Variants in TNFRSF21 observed in about 807,000 individuals in gnomAD.
TNFRSF21 encodes TNF receptor superfamily member 21, also known as tumor necrosis factor receptor superfamily member 21.
TNFRSF21 carries 19 observed loss-of-function variants against 45.6 expected under a neutral mutation model. The ratio of observed to expected loss-of-function variants is 0.42; its 90% CI spans 0.29 to 0.61. The LOEUF (loss-of-function observed/expected upper bound fraction) is 0.61, where lower values mean the gene tolerates loss of function less well. Ranked by LOEUF, TNFRSF21 falls within the 20% of genes least tolerant of loss-of-function variation. TNFRSF21 has a pLI of 0.23. For synonymous variants in TNFRSF21, 314 were observed against 335.5 expected (o/e 0.94, Z 0.70); for missense variants, 737 against 851.5 (o/e 0.87, Z 1.67).
intron 4 of TNFRSF21, among the ~76,000 whole-genome samples, chr6:47,242,212 T>C (rs1211298439): frequency 6.6e-6 from 1 of 151,938 alleles, no homozygotes; most frequent in Non-Finnish European, 1.5e-5. Flanking sequence ...CCAAAACCAC[T>C]GGGGAATTAT....
rs1267844279 is a variant in TNFRSF21 at position 47,234,839 on chromosome 6, G to C, written c.1569C>G (p.Ile523Met). ...MSPSPLSPSP[I>M]PSPNAKLENS... The stretch of plus-strand genomic sequence containing the variant: ...TCTCAAGTTTCGCGTTGGGGCTGGG[G>C]ATGGGGCTCGGGCTAAGCGGGCTGG... Residue 523 changes from isoleucine (I) to methionine (M), a missense_variant, in exon 5 of 6, where the codon ATC becomes ATG. Transcript: ENST00000296861. 52 of 1,528,896 alleles carry C rather than the reference G, an allele frequency of 3.4e-5. No homozygotes were observed. Among genetic ancestry groups the C allele is most frequent in the Non-Finnish European group, 4.4e-5 (50 of 1,141,134 alleles). 94.7% of individuals were successfully genotyped at this position (1,528,896 alleles called of 1,614,324 possible). A position where few individuals can be genotyped will look rare whatever the true frequency, so the allele number is the denominator to read the frequency against.
Position 47,232,655 on chromosome 6 carries a change from AC to A in TNFRSF21, c.*109del, listed in dbSNP as rs1764604387. ...CACACACACACACACACACACACAC[AC>A]ACAAACACACACACACACCCCAAAC... On this transcript the variant is annotated 3_prime_UTR_variant, in exon 6 of 6. Transcript: ENST00000296861. The A allele has an allele frequency of 2.6e-5, 23 of 883,848 alleles. 1 individual carries two copies. The highest frequency in any genetic ancestry group is 9.8e-5 in the South Asian group (6 of 60,934). The allele number at this position is 883,848 out of a possible 1,614,324, so 54.8% of individuals were successfully genotyped here.
intron 3 of TNFRSF21, among the ~76,000 whole-genome samples, chr6:47,276,515 A>G (rs1762499616): frequency 6.6e-6 from 1 of 152,216 alleles, no homozygotes; most frequent in African/African-American, 2.4e-5. Flanking sequence ...GAAGCTGCTA[A>G]GAGATGACAA....
intron 3 of TNFRSF21, among the ~76,000 whole-genome samples, chr6:47,272,020 T>C (rs1762428406): frequency 6.6e-6 from 1 of 152,092 alleles, no homozygotes; most frequent in Admixed American, 6.6e-5. Context: ...ATAAAGCAAG[T>C]CCTTAGAGAC....
intron 4 of TNFRSF21, among the ~76,000 whole-genome samples, chr6:47,249,736 A>G (rs963062913): frequency 3.3e-5 from 5 of 152,226 alleles, no homozygotes; most frequent in African/African-American, 1.2e-4. Flanking sequence ...ATAGGATTAA[A>G]GTCTTCTAAG....
intron 2 of TNFRSF21, among the ~76,000 whole-genome samples, chr6:47,285,421 T>C (rs1378100165): frequency 4.6e-5 from 7 of 152,200 alleles, no homozygotes; most frequent in Non-Finnish European, 8.8e-5. Context: ...AATTTGCTTA[T>C]TTCCTGAGCT....
chr6:47,309,091 G>T (rs1762979797), intron 1 of TNFRSF21, among the ~76,000 whole-genome samples: 1 of 152,132 alleles, frequency 6.6e-6, no homozygotes, highest in Non-Finnish European at 1.5e-5. Flanking sequence ...CGTGGGGAGC[G>T]CGAGGTAGGC....
At chr6:47,253,854 T>C (rs1193888225) in intron 3 of TNFRSF21, among the ~76,000 whole-genome samples, 2 of 152,202 alleles carry the variant, frequency 1.3e-5, no homozygotes, top group Admixed American at 6.5e-5. Context: ...TACACCCTTG[T>C]TGAAGGAGAG....
intron 1 of TNFRSF21, among the ~76,000 whole-genome samples, chr6:47,289,770 G>A (rs572659565): frequency 2.6e-5 from 4 of 152,154 alleles, no homozygotes; most frequent in Non-Finnish European, 4.4e-5. Flanking sequence ...AAGGTGGGCA[G>A]GTCATTTGAG....
intron 4 of TNFRSF21, among the ~76,000 whole-genome samples, chr6:47,250,255 T>G (rs1314925453): frequency 6.6e-6 from 1 of 152,220 alleles, no homozygotes; most frequent in African/African-American, 2.4e-5. Context: ...TGTTTTGTTT[T>G]TTAATAGCTT....
intron 3 of TNFRSF21, among the ~76,000 whole-genome samples, chr6:47,282,890 A>AT (rs1762590190): frequency 6.6e-6 from 1 of 152,096 alleles, no homozygotes; most frequent in Non-Finnish European, 1.5e-5. Flanking sequence ...TCCTTCTGTT[A>AT]TTTTCAATTT....
Position 47,297,448 on chromosome 6 carries a change from T to C in TNFRSF21, c.97-10853A>G, listed in dbSNP as rs193207218. Among the ~76,000 whole-genome samples, 12 of 152,276 alleles carry C rather than the reference T, an allele frequency of 7.9e-5. No individual in the cohort carries two copies. The East Asian group carries it at 2.3e-3, about 29-fold the overall frequency. Reference sequence around the variant, plus strand: ...AATGTACTATATTTTAACAATCTTTTAGTTTTTTACTTTTATTTTTCAAAT... The same window carrying C: ...AATGTACTATATTTTAACAATCTTTCAGTTTTTTACTTTTATTTTTCAAAT... On this transcript the variant is annotated intron_variant, in intron 1 of 5. Coordinates refer to ENST00000296861, the MANE Select transcript of TNFRSF21 (RefSeq NM_014452.5).
At chr6:47,304,224 A>G (rs1180366015) in intron 1 of TNFRSF21, among the ~76,000 whole-genome samples, 1 of 151,854 alleles carries the variant, frequency 6.6e-6, no homozygotes, top group South Asian at 2.1e-4. Context: ...AAGTCACTCA[A>G]TTCATACCAG....
chr6:47,293,837 A>T (rs1762759449), intron 1 of TNFRSF21, among the ~76,000 whole-genome samples: 2 of 152,170 alleles, frequency 1.3e-5, no homozygotes, highest in Admixed American at 6.5e-5. Context: ...CCACTAATAA[A>T]AACAGGTTTC....
intron 3 of TNFRSF21, among the ~76,000 whole-genome samples, chr6:47,276,516 G>A (rs1161310682): frequency 6.6e-6 from 1 of 152,238 alleles, no homozygotes; most frequent in African/African-American, 2.4e-5. Flanking sequence ...AAGCTGCTAA[G>A]AGATGACAAG....
chr6:47,266,632 G>A (rs1024387659), intron 3 of TNFRSF21, among the ~76,000 whole-genome samples: 1 of 152,074 alleles, frequency 6.6e-6, no homozygotes, highest in African/African-American at 2.4e-5. Context: ...GCTAATAAGA[G>A]GTTCGACCAC....
At chr6:47,268,146 G>A (rs539273395) in intron 3 of TNFRSF21, among the ~76,000 whole-genome samples, 1 of 152,294 alleles carries the variant, frequency 6.6e-6, no homozygotes, top group African/African-American at 2.4e-5. Flanking sequence ...AGCCAGTCCA[G>A]GCTCCCCACT....
At chr6:47,244,011 TAAAAA>T (rs1764786654) in intron 4 of TNFRSF21, among the ~76,000 whole-genome samples, 1 of 152,180 alleles carries the variant, frequency 6.6e-6, no homozygotes, top group African/African-American at 2.4e-5. Context: ...CCTGAGAGGT[TAAAAA>T]TCTGCATGTT....
intron 3 of TNFRSF21, among the ~76,000 whole-genome samples, chr6:47,264,286 G>T (rs979306627): frequency 2.6e-5 from 4 of 152,188 alleles, no homozygotes; most frequent in Admixed American, 6.5e-5. Context: ...CCAGCACTTT[G>T]GGAGGCCAAG....
Sources: allele counts gnomAD v4.1 joint callset (sites outside exome capture counted in the v4.1 genomes callset), GRCh38; gene constraint gnomAD v4.1.1; transcripts MANE v1.5; gene names NCBI Gene and HGNC (gene_info 2026-07-23, HGNC 2026-07-21).